The following CCDC13 variants were observed in gnomAD, a reference collection of about 807,000 sequenced individuals.
CCDC13 encodes the protein coiled-coil domain-containing protein 13.
Under a neutral mutation model 87.3 loss-of-function variants are expected in CCDC13, and 70 were observed. That is an observed-to-expected ratio of 0.80 (90% CI 0.66 to 0.98). The LOEUF (loss-of-function observed/expected upper bound fraction) is 0.98, where lower values mean the gene tolerates loss of function less well. CCDC13 is among the 50% of genes least tolerant of loss of function. CCDC13 has a pLI of 0.00. For missense variants in CCDC13, 842 were observed against 892.0 expected (o/e 0.94, Z 0.71); for synonymous variants, 317 against 360.3 (o/e 0.88, Z 1.36).
intron 1 of CCDC13, among the ~76,000 whole-genome samples, chr3:42,771,270 A>G (rs1217444412): frequency 6.6e-6 from 1 of 152,274 alleles, no homozygotes; most frequent in Non-Finnish European, 1.5e-5. Flanking sequence ...ATTACAGAGA[A>G]GTAAAAGATA....
intron 3 of CCDC13, among the ~76,000 whole-genome samples, chr3:42,756,736 C>T (rs1699712425): frequency 6.6e-6 from 1 of 152,084 alleles, no homozygotes; most frequent in African/African-American, 2.4e-5. Flanking sequence ...TCCTGCCAGC[C>T]CCTTTACATG....
intron 1 of CCDC13, among the ~76,000 whole-genome samples, chr3:42,759,229 A>G (rs1429467538): frequency 1.3e-5 from 2 of 151,842 alleles, no homozygotes; most frequent in Non-Finnish European, 2.9e-5. Flanking sequence ...AGATCGCTTG[A>G]GCCCAGGAAG....
intron 5 of CCDC13, among the ~76,000 whole-genome samples, chr3:42,749,401 G>C (rs956168873): frequency 5.3e-5 from 8 of 152,254 alleles, no homozygotes; most frequent in Admixed American, 2.0e-4. Context: ...CCTGGGCAGT[G>C]ATGCCCTGTC....
chr3:42,771,692 C>T (rs1382025566), intron 1 of CCDC13, among the ~76,000 whole-genome samples: 1 of 152,048 alleles, frequency 6.6e-6, no homozygotes, highest in Non-Finnish European at 1.5e-5. Context: ...GGGTTGGAGG[C>T]TACTGTGAGC....
intron 13 of CCDC13, among the ~76,000 whole-genome samples, chr3:42,716,241 C>CAA (rs879625891): frequency 1.2e-4 from 17 of 139,162 alleles, no homozygotes; most frequent in African/African-American, 4.5e-4. Flanking sequence ...GATCTACCTC[C>CAA]AAAAAAAAAA....
At chr3:42,761,458 CA>C (rs1240537385) in intron 1 of CCDC13, among the ~76,000 whole-genome samples, 1 of 152,194 alleles carries the variant, frequency 6.6e-6, no homozygotes, top group Non-Finnish European at 1.5e-5. Context: ...AGTCATCTGA[CA>C]CATTATATTT....
At position 42,760,620 on chromosome 3, in the gene CCDC13, G is replaced by A. The variant is rs569688239; in HGVS notation, c.-6-2269C>T. On this transcript the variant is annotated intron_variant, in intron 1 of 15. Coordinates refer to ENST00000310232, the MANE Select transcript of CCDC13 (RefSeq NM_144719.4). ...CGAGGTTGCAGTGAGCCAAGATTGCGCCATGGCACTCCAGCCTGGGCGAGG... is the reference window on the plus strand; with the variant it reads ...CGAGGTTGCAGTGAGCCAAGATTGCACCATGGCACTCCAGCCTGGGCGAGG... Among the ~76,000 whole-genome samples, 158 of 151,918 alleles carry A rather than the reference G, an allele frequency of 1.0e-3. 6 individuals carry two copies. The South Asian group carries it at 0.03, about 29-fold the overall frequency.
At chr3:42,771,229 G>A (rs1700089786) in intron 1 of CCDC13, among the ~76,000 whole-genome samples, 1 of 152,184 alleles carries the variant, frequency 6.6e-6, no homozygotes, top group Non-Finnish European at 1.5e-5. Context: ...CTGTATAATT[G>A]CAAACTGTAT....
At chr3:42,741,378 C>T (rs1699210338) in intron 8 of CCDC13, among the ~76,000 whole-genome samples, 1 of 152,164 alleles carries the variant, frequency 6.6e-6, no homozygotes, top group African/African-American at 2.4e-5. Context: ...CAACCCATTC[C>T]TCCTCTTGCT....
intron 13 of CCDC13, among the ~76,000 whole-genome samples, chr3:42,724,355 T>C (rs1424336300): frequency 6.6e-6 from 1 of 152,226 alleles, no homozygotes; most frequent in Admixed American, 6.5e-5. Context: ...GCTTCCAATC[T>C]ATCAGCAGGC....
Position 42,725,533 on chromosome 3 carries a change from CAA to C in CCDC13, c.1718+4932_1718+4933del, listed in dbSNP as rs56224625. Among the ~76,000 whole-genome samples, 38 of 91,386 alleles carry C rather than the reference CAA, an allele frequency of 4.2e-4. 1 individual carries two copies. Among genetic ancestry groups the C allele is most frequent in the Admixed American group, 1.8e-3 (15 of 8,168 alleles). The allele number at this position is 91,386 out of a possible 152,430, so 60.0% of individuals were successfully genotyped here. ...TGGGTGACAGAGTGAGACCCTGTCT[CAA>C]AAAAAAAAAAAAAGAGGACTAAGAT... is the stretch of plus-strand genomic sequence containing the variant. On this transcript the variant is annotated intron_variant, in intron 13 of 15. Coordinates refer to ENST00000310232, the MANE Select transcript of CCDC13 (RefSeq NM_144719.4).
At chr3:42,716,035 C>A (rs1466095784) in intron 13 of CCDC13, among the ~76,000 whole-genome samples, 2 of 152,194 alleles carry the variant, frequency 1.3e-5, no homozygotes, top group Non-Finnish European at 2.9e-5. Flanking sequence ...GGGTAACATA[C>A]CTGAACTCCA....
At chr3:42,724,855 C>G (rs1236537637) in intron 13 of CCDC13, among the ~76,000 whole-genome samples, 5 of 151,980 alleles carry the variant, frequency 3.3e-5, no homozygotes, top group Non-Finnish European at 5.9e-5. Flanking sequence ...AAGGAGGTTT[C>G]CCCCTACCTA....
At position 42,709,054 on chromosome 3, in the gene CCDC13, A is replaced by C. The variant is rs1212192689; in HGVS notation, c.2074T>G (p.Tyr692Asp). 1 of 1,614,114 alleles carries C rather than the reference A, an allele frequency of 6.2e-7. No individual in the cohort carries two copies. Among genetic ancestry groups the C allele is most frequent in the South Asian group, 1.1e-5 (1 of 91,064 alleles). Residue 692 changes from tyrosine to aspartate, a missense_variant, in exon 16 of 16, where the codon TAC becomes GAC. Coordinates refer to ENST00000310232, the MANE Select transcript of CCDC13 (RefSeq NM_144719.4). ...TTCACCTGGCCCAGGATCTCATGGT[A>C]CATCCGGAAGTCCTCCTCCTTTCCC... is the stretch of plus-strand genomic sequence containing the variant. ...LRGKEEDFRM[Y>D]HEILGQVKSV...
intron 1 of CCDC13, among the ~76,000 whole-genome samples, chr3:42,762,275 A>G (rs1207959638): frequency 6.6e-6 from 1 of 152,230 alleles, no homozygotes; most frequent in Non-Finnish European, 1.5e-5. Flanking sequence ...ACTATAAAGA[A>G]TTAACTCTGA....
In CCDC13 at chr3:42,758,279, GC is replaced by G. The variant is rs768579977; in HGVS notation, c.66del (p.Gln22HisfsTer17). The G allele has an allele frequency of 6.2e-7, 1 of 1,613,502 alleles. No individual in the cohort carries two copies. Among genetic ancestry groups the G allele is most frequent in the African/African-American group, 1.3e-5 (1 of 74,996 alleles). ...RLQFKAMQEMQHKRLQKQMEK... is the reference protein window; with the variant it reads ...RLQFKAMQEMXHKRLQKQMEK... ...TCCATCTGCTTCTGTAACCGTTTGT[GC>G]TGCATCTCCTGCATTGCCTTGAACT... On this transcript the variant is annotated frameshift_variant, in exon 2 of 16. Transcript: ENST00000310232. LOFTEE classifies it high-confidence loss of function.
In CCDC13 at chr3:42,737,159, C is replaced by T. The variant is rs373888104; in HGVS notation, c.1165-1246G>A. On this transcript the variant is annotated intron_variant, in intron 9 of 15. Coordinates refer to ENST00000310232, the MANE Select transcript of CCDC13 (RefSeq NM_144719.4). ...ATTCCCACCTATGAGTGAGAACATG[C>T]GGTGTTTGGTTTTCTGTCCTTGTGA... Among the ~76,000 whole-genome samples the T allele has an allele frequency of 2.2e-4, 33 of 151,816 alleles. No homozygotes were observed. The East Asian group carries it at 3.7e-3, about 17-fold the overall frequency.
At chr3:42,715,883 G>C (rs1386990054) in intron 13 of CCDC13, among the ~76,000 whole-genome samples, 2 of 152,152 alleles carry the variant, frequency 1.3e-5, no homozygotes, top group African/African-American at 4.8e-5. Context: ...GAAGGCCCTT[G>C]TCAGACGCTG....
rs138697182 is a variant in CCDC13, at chr3:42,755,524, T to C, written c.370+1542A>G. ...CAGGAGGCTGAGGCAGGAGAATCAC[T>C]TGAACCCAGGAAGTGGAGGTTGTGG... On this transcript the variant is annotated intron_variant, in intron 3 of 15. Coordinates refer to ENST00000310232, the MANE Select transcript of CCDC13 (RefSeq NM_144719.4). Among the ~76,000 whole-genome samples the C allele has an allele frequency of 3.9e-5, 6 of 152,318 alleles. No individual in the cohort carries two copies. The East Asian group carries it at 1.2e-3, about 29-fold the overall frequency.
Sources: allele counts gnomAD v4.1 joint callset (sites outside exome capture counted in the v4.1 genomes callset), GRCh38; gene constraint gnomAD v4.1.1; transcripts MANE v1.5; gene names NCBI Gene and HGNC (gene_info 2026-07-23, HGNC 2026-07-21).